The following RGS7 variants were observed in gnomAD, a reference collection of about 807,000 sequenced individuals.
RGS7 encodes the protein regulator of G-protein signaling 7.
Under a neutral mutation model 81.1 loss-of-function variants are expected in RGS7, and 27 were observed. That is an observed-to-expected ratio of 0.33 (90% CI 0.25 to 0.46). RGS7 has a LOEUF of 0.46. Ranked by LOEUF, RGS7 falls within the 20% of genes least tolerant of loss-of-function variation. The pLI is 1.00. For synonymous variants in RGS7, 208 were observed against 207.7 expected (o/e 1.00, Z -0.01); for missense variants, 396 against 607.4 (o/e 0.65, Z 3.66).
At chr1:241,070,344 C>G (rs1438642462) in intron 3 of RGS7, among the ~76,000 whole-genome samples, 1 of 143,694 alleles carries the variant, frequency 7.0e-6, no homozygotes, top group Non-Finnish European at 1.5e-5. Flanking sequence ...AAAAAAAGCA[C>G]TAGCCAAGAA....
At chr1:241,020,515 T>C (rs917562556) in intron 3 of RGS7, among the ~76,000 whole-genome samples, 2 of 152,182 alleles carry the variant, frequency 1.3e-5, no homozygotes, top group African/African-American at 4.8e-5. Context: ...CCAGATAATC[T>C]AGGAAGATCT....
chr1:241,326,254 G>A (rs1259629172), intron 2 of RGS7, among the ~76,000 whole-genome samples: 1 of 152,158 alleles, frequency 6.6e-6, no homozygotes, highest in Non-Finnish European at 1.5e-5. Flanking sequence ...ACGTACACCA[G>A]CTCCTTAGTG....
intron 2 of RGS7, among the ~76,000 whole-genome samples, chr1:241,168,736 C>CT (rs1484472162): frequency 6.6e-6 from 1 of 151,888 alleles, no homozygotes; most frequent in Non-Finnish European, 1.5e-5. Flanking sequence ...CTCTCTCTCT[C>CT]CCCCCACCTC....
intron 3 of RGS7, among the ~76,000 whole-genome samples, chr1:241,052,700 A>C (rs1224907076): frequency 7.2e-6 from 1 of 139,062 alleles, no homozygotes; most frequent in African/African-American, 2.7e-5. Flanking sequence ...ATTCTTAACA[A>C]TTCCCCCCCA....
chr1:241,065,700 A>T (rs961437676), intron 3 of RGS7, among the ~76,000 whole-genome samples: 3 of 152,216 alleles, frequency 2.0e-5, no homozygotes, highest in Admixed American at 6.5e-5. Context: ...CCATTTACTT[A>T]TTCAACAAAT....
At chr1:240,875,693 G>T (rs919441758) in intron 6 of RGS7, among the ~76,000 whole-genome samples, 1 of 152,120 alleles carries the variant, frequency 6.6e-6, no homozygotes, top group Admixed American at 6.5e-5. Flanking sequence ...TCTCCCCAAC[G>T]CTTGTTACCT....
intron 2 of RGS7, among the ~76,000 whole-genome samples, chr1:241,221,043 G>GGAAGGAAGGAAGGAAGGA (rs1390080527): frequency 1.7e-4 from 14 of 83,016 alleles, no homozygotes; most frequent in African/African-American, 5.2e-4. Context: ...GGAAGGAAAA[G>GGAAGGAAGGAAGGAAGGA]AAAGAAAGAA....
At position 240,913,567 on chromosome 1, in the gene RGS7, T is replaced by C. The variant is rs183263439; in HGVS notation, c.385+17150A>G. Among the ~76,000 whole-genome samples the C allele has an allele frequency of 1.4e-3, 206 of 152,294 alleles. 2 individuals are homozygous for C. The highest frequency in any genetic ancestry group is 1.0e-3 in the South Asian group (5 of 4,830). ...GGTTCTCACTGTCGTATTAGGTAAA[T>C]GGGTTTTGTTGTTGTTCGTTTTTGC... On this transcript the variant is annotated intron_variant, in intron 6 of 18. Coordinates refer to ENST00000440928, the MANE Select transcript of RGS7 (RefSeq NM_001364886.1).
At chr1:241,086,070 C>A (rs886835067) in intron 3 of RGS7, among the ~76,000 whole-genome samples, 2 of 152,128 alleles carry the variant, frequency 1.3e-5, no homozygotes, top group Admixed American at 1.3e-4. Flanking sequence ...TCATCTTTAG[C>A]GACTTGATTT....
At position 241,220,991 on chromosome 1, in the gene RGS7, AAGGAAGAGAGAG is replaced by A. The variant is rs2074903861; in HGVS notation, c.79-122241_79-122230del. Among the ~76,000 whole-genome samples, 3 of 79,332 alleles carry A rather than the reference AAGGAAGAGAGAG, an allele frequency of 3.8e-5. 1 individual carries two copies. In the Middle Eastern group the frequency reaches 0.017, roughly 446 times the overall value. The allele number at this position is 79,332 out of a possible 152,430, so 52.0% of individuals were successfully genotyped here. A position where few individuals can be genotyped will look rare whatever the true frequency, so the allele number is the denominator to read the frequency against. On this transcript the variant is annotated intron_variant, in intron 2 of 18. Transcript: ENST00000440928. ...GAAGGAAGGAAGGAAGGAAGGAAGG[AAGGAAGAGAGAG>A]AGAAAGGAAGGAAGGAAGGAAGGAA...
intron 2 of RGS7, among the ~76,000 whole-genome samples, chr1:241,343,086 C>T (rs896682614): frequency 1.9e-4 from 29 of 151,992 alleles, no homozygotes; most frequent in African/African-American, 6.0e-4. Flanking sequence ...CACGGTGAAA[C>T]CCCGTCTCTA....
intron 3 of RGS7, among the ~76,000 whole-genome samples, chr1:241,076,877 C>A (rs1381117502): frequency 6.6e-6 from 1 of 152,142 alleles, no homozygotes; most frequent in East Asian, 1.9e-4. Flanking sequence ...TCAAAACTGT[C>A]ATTTTTGTTC....
intron 2 of RGS7, among the ~76,000 whole-genome samples, chr1:241,254,751 TTAAC>T (rs1407740446): frequency 6.6e-6 from 1 of 152,202 alleles, no homozygotes; most frequent in Non-Finnish European, 1.5e-5. Context: ...AGAATAATGT[TTAAC>T]TGAGTAAATT....
At chr1:241,319,265 C>T (rs1179372883) in intron 2 of RGS7, among the ~76,000 whole-genome samples, 2 of 152,020 alleles carry the variant, frequency 1.3e-5, no homozygotes, top group African/African-American at 4.8e-5. Context: ...TGATTTATTA[C>T]AAAAATGTGA....
chr1:241,337,372 G>T (rs1470259105), intron 2 of RGS7, among the ~76,000 whole-genome samples: 2 of 152,062 alleles, frequency 1.3e-5, no homozygotes, highest in East Asian at 3.9e-4. Flanking sequence ...TTCTACCAGA[G>T]TATATTGCTG....
intron 3 of RGS7, among the ~76,000 whole-genome samples, chr1:241,056,039 T>C (rs2061461816): frequency 6.6e-6 from 1 of 152,162 alleles, no homozygotes; most frequent in South Asian, 2.1e-4. Context: ...TCAAAAAATG[T>C]TTGCAAGCCC....
At chr1:241,355,655 A>G (rs1267724400) in intron 2 of RGS7, 44 bp downstream of exon 2, 8 of 1,567,092 alleles carry the variant, frequency 5.1e-6, no homozygotes, top group Middle Eastern at 3.3e-4. Flanking sequence ...AAATCGAGAA[A>G]GCCGGAAGTT....
chr1:240,838,967 A>G (rs1171248898), intron 9 of RGS7, among the ~76,000 whole-genome samples: 2 of 152,080 alleles, frequency 1.3e-5, no homozygotes, highest in African/African-American at 4.8e-5. Flanking sequence ...GGGTTTCACC[A>G]TGTTGGCCAA....
At chr1:241,284,010 T>C (rs10802944) in intron 2 of RGS7, among the ~76,000 whole-genome samples, 51,747 of 152,058 alleles carry the variant, frequency 0.34, 8,979 homozygotes, top group South Asian at 0.41. Context: ...TTTGTATTTA[T>C]TTACTGAGGC....
Sources: gnomAD v4.1 joint callset for allele counts (sites outside exome capture counted in the v4.1 genomes callset) on GRCh38, gnomAD v4.1.1 for gene constraint, MANE v1.5 for transcripts, NCBI Gene and HGNC (gene_info 2026-07-23, HGNC 2026-07-21) for gene names.